SEMA4D: variants seen among roughly 807,000 people sequenced by gnomAD.
SEMA4D encodes the protein semaphorin-4D.
SEMA4D carries 22 observed loss-of-function variants against 74.8 expected under a neutral mutation model. The observed-to-expected ratio is 0.29, with a 90% CI of 0.21 to 0.42. SEMA4D has a LOEUF of 0.42. Among genes scored for constraint, SEMA4D ranks in the 10% least tolerant of loss-of-function variants. The probability of loss-of-function intolerance (pLI) is 1.00; values close to 1 mark genes in which losing one functional copy is unlikely to be tolerated. For missense variants in SEMA4D, 937 were observed against 1,118.4 expected (o/e 0.84, Z 2.31); for synonymous variants, 445 against 463.7 (o/e 0.96, Z 0.52).
chr9:89,437,078 T>C (rs1338806397), intron 2 of SEMA4D, among the ~76,000 whole-genome samples: 6 of 152,214 alleles, frequency 3.9e-5, no homozygotes, highest in Non-Finnish European at 7.4e-5. Context: ...ACAGAGCTGC[T>C]GGACAGTGCT....
At chr9:89,480,584 G>A (rs535517669) in intron 1 of SEMA4D, among the ~76,000 whole-genome samples, 21 of 152,352 alleles carry the variant, frequency 1.4e-4, no homozygotes, top group East Asian at 1.9e-4. Context: ...GTCAAGGCCC[G>A]GTGAGAAATC....
intron 2 of SEMA4D, among the ~76,000 whole-genome samples, chr9:89,452,349 T>G (rs925250058): frequency 2.6e-5 from 4 of 151,928 alleles, no homozygotes; most frequent in Admixed American, 1.3e-4. Flanking sequence ...CGGCTAATTT[T>G]TTGTATTTTT....
At chr9:89,363,386 C>T in intron 18 of SEMA4D, 1 of 1,602,256 alleles carries the variant, frequency 6.2e-7, no homozygotes, top group Non-Finnish European at 8.5e-7. Context: ...GTGCCCTGCC[C>T]CTGGCTCCAG....
At chr9:89,447,126 G>A (rs1439800405) in intron 2 of SEMA4D, among the ~76,000 whole-genome samples, 1 of 152,020 alleles carries the variant, frequency 6.6e-6, no homozygotes, top group Non-Finnish European at 1.5e-5. Flanking sequence ...CAATCTCGAT[G>A]GAGGCACCCA....
intron 1 of SEMA4D, among the ~76,000 whole-genome samples, chr9:89,488,350 A>ATTTTTTTT (rs1222488409): frequency 5.0e-5 from 4 of 80,426 alleles, no homozygotes; most frequent in Non-Finnish European, 8.5e-5. Context: ...TGGATCACAG[A>ATTTTTTTT]TCTTTTTTTT....
In SEMA4D at chr9:89,484,284, C is replaced by T. The variant is rs546089634; in HGVS notation, c.-310+13635G>A. On this transcript the variant is annotated intron_variant, in intron 1 of 15. Transcript: ENST00000422704. The surrounding 1 kb of genome is among the most constrained non-coding windows in gnomAD (Gnocchi z 4.1). ...ACCCACCTGCTCTGGGAACAAGGCA[C>T]GCATGACCAGTCTAGGAAAAGTGTG... Among the ~76,000 whole-genome samples the T allele has an allele frequency of 1.3e-5, 2 of 152,370 alleles. No individual in the cohort carries two copies. Among genetic ancestry groups the T allele is most frequent in the South Asian group, 2.1e-4 (1 of 4,828 alleles).
rs76458056 is a variant in SEMA4D, at chr9:89,432,364, G to C, written c.-244+23524C>G. ...CTGGGGACAGGACCCTGGGGAGTTG[G>C]GAGCTGAGATCTGAAAATTCAGGAT... On this transcript the variant is annotated intron_variant, in intron 2 of 15. Transcript: ENST00000422704. 5.3e-3 allele frequency among the ~76,000 whole-genome samples: 805 copies of C among 152,288 alleles called. 6 individuals are homozygous for C. The highest frequency in any genetic ancestry group is 0.018 in the African/African-American group (768 of 41,554).
At chr9:89,401,667 CA>C (rs1041556019) in intron 4 of SEMA4D, among the ~76,000 whole-genome samples, 7 of 152,080 alleles carry the variant, frequency 4.6e-5, no homozygotes, top group African/African-American at 7.2e-5. Context: ...AAAAATCAAT[CA>C]AAAAACTCAC....
At chr9:89,371,755 T>G (rs1433938323) in intron 16 of SEMA4D, among the ~76,000 whole-genome samples, 2 of 48,186 alleles carry the variant, frequency 4.2e-5, no homozygotes, top group Non-Finnish European at 7.7e-5. Context: ...TCGGGTGTGG[T>G]GTGTGTGTGG....
Position 89,458,748 on chromosome 9 carries a change from C to G in SEMA4D, c.-309-2795G>C, listed in dbSNP as rs549266411. On this transcript the variant is annotated intron_variant, in intron 1 of 15. Coordinates refer to ENST00000422704, the MANE Select transcript of SEMA4D (RefSeq NM_001371194.2). ...ACATCCATACACACTCATGCACACACACACATATACATATATGCACATACA... is the reference window on the plus strand; with the variant it reads ...ACATCCATACACACTCATGCACACAGACACATATACATATATGCACATACA... 2.9e-3 allele frequency among the ~76,000 whole-genome samples: 435 copies of G among 152,256 alleles called. 1 individual carries two copies. Among genetic ancestry groups the G allele is most frequent in the African/African-American group, 0.01 (417 of 41,524 alleles).
intron 12 of SEMA4D, chr9:89,387,106 C>T (rs138061887): frequency 6.1e-4 from 227 of 373,816 alleles, no homozygotes; most frequent in African/African-American, 4.4e-3. Context: ...CCCAACTCCT[C>T]GGCGGCCAGT....
intron 16 of SEMA4D, chr9:89,364,232 A>C (rs781385037): frequency 7.5e-6 from 4 of 536,094 alleles, no homozygotes; most frequent in African/African-American, 3.8e-5. Context: ...CCTTTCTTGC[A>C]GCGCTGTGCT....
At chr9:89,468,871 T>C (rs949066512) in intron 1 of SEMA4D, among the ~76,000 whole-genome samples, 1 of 152,154 alleles carries the variant, frequency 6.6e-6, no homozygotes, top group African/African-American at 2.4e-5. Context: ...CACCAAAGGC[T>C]ACCCCAGGGC....
At position 89,492,797 on chromosome 9, in the gene SEMA4D, G is replaced by C. The variant is rs1825732339; in HGVS notation, c.-310+5122C>G. 6.6e-6 allele frequency among the ~76,000 whole-genome samples: 1 copy of C among 152,136 alleles called. No individual in the cohort carries two copies. Among genetic ancestry groups the C allele is most frequent in the South Asian group, 2.1e-4 (1 of 4,826 alleles). On this transcript the variant is annotated intron_variant, in intron 1 of 15. Transcript: ENST00000422704. The surrounding 1 kb of genome is among the most constrained non-coding windows in gnomAD (Gnocchi z 4.3). ...ACCCGAGGAGACTGCCCGAGCTCCT[G>C]CAAGGCCCGCCCCGCACCGCCCTCC...
At chr9:89,470,554 G>A (rs1407943288) in intron 1 of SEMA4D, among the ~76,000 whole-genome samples, 1 of 152,098 alleles carries the variant, frequency 6.6e-6, no homozygotes, top group Non-Finnish European at 1.5e-5. Flanking sequence ...AAAAGACTTG[G>A]GCAGTTTCTT....
intron 2 of SEMA4D, among the ~76,000 whole-genome samples, chr9:89,453,052 T>G (rs185478260): frequency 1.8e-4 from 27 of 152,270 alleles, no homozygotes; most frequent in Middle Eastern, 3.4e-3. Context: ...GTCATTTAAT[T>G]AAATCTACAG....
At chr9:89,434,338 G>C (rs937007345) in intron 2 of SEMA4D, among the ~76,000 whole-genome samples, 1 of 152,172 alleles carries the variant, frequency 6.6e-6, no homozygotes, top group Non-Finnish European at 1.5e-5. Flanking sequence ...AATGGCGTTG[G>C]GCGCCTTCTC....
chr9:89,428,330 C>T (rs1314865628), intron 2 of SEMA4D, among the ~76,000 whole-genome samples: 2 of 152,234 alleles, frequency 1.3e-5, no homozygotes, highest in East Asian at 3.8e-4. Flanking sequence ...ACTGCCCAAA[C>T]ACAGTCCCTG....
At chr9:89,453,563 G>T (rs1362891030) in intron 2 of SEMA4D, among the ~76,000 whole-genome samples, 1 of 152,254 alleles carries the variant, frequency 6.6e-6, no homozygotes, top group Admixed American at 6.5e-5. Context: ...CAACAGGCCT[G>T]CAGTAGAGAC....
Sources: gnomAD v4.1 joint callset for allele counts (sites outside exome capture counted in the v4.1 genomes callset) on GRCh38, gnomAD v4.1.1 for gene constraint, Gnocchi (gnomAD v3.1) non-coding constraint, MANE v1.5 for transcripts, NCBI Gene and HGNC (gene_info 2026-07-23, HGNC 2026-07-21) for gene names.